The following SCHIP1 variants were observed in gnomAD, a reference collection of about 807,000 sequenced individuals.
SCHIP1 encodes the protein schwannomin interacting protein 1.
A neutral mutation model predicts 29.7 loss-of-function variants in SCHIP1; 8 were observed. The ratio of observed to expected loss-of-function variants is 0.27; its 90% CI spans 0.16 to 0.49. The LOEUF is 0.49. Ranked by LOEUF, SCHIP1 falls within the 20% of genes least tolerant of loss-of-function variation. The pLI, the probability that SCHIP1 is intolerant of heterozygous loss-of-function variation, is 0.99. For missense variants in SCHIP1, 193 were observed against 294.6 expected (o/e 0.66, Z 2.52); for synonymous variants, 76 against 94.9 (o/e 0.80, Z 1.16).
At chr3:159,703,885 C>T in the SCHIP1 span, among the ~76,000 whole-genome samples, 1 of 152,180 alleles carries the variant, frequency 6.6e-6, no homozygotes, top group South Asian at 2.1e-4. Flanking sequence ...TCTCATATTT[C>T]CTCACTTGGT....
At chr3:159,554,629 G>A in the SCHIP1 span, among the ~76,000 whole-genome samples, 1 of 152,138 alleles carries the variant, frequency 6.6e-6, no homozygotes, top group Non-Finnish European at 1.5e-5. Context: ...TCCCTCCGTG[G>A]CTCCAGCTTT....
At chr3:159,407,796 G>A in the SCHIP1 span, among the ~76,000 whole-genome samples, 2 of 152,134 alleles carry the variant, frequency 1.3e-5, no homozygotes, top group African/African-American at 4.8e-5. Flanking sequence ...GTTGGTCAAT[G>A]AAGAAATTAA....
the SCHIP1 span, among the ~76,000 whole-genome samples, chr3:159,635,175 C>A: frequency 3.3e-5 from 5 of 152,148 alleles, no homozygotes; most frequent in Non-Finnish European, 5.9e-5. Flanking sequence ...TGAACCTGTT[C>A]TCTTTGTATC....
chr3:159,813,835 G>A, the SCHIP1 span, among the ~76,000 whole-genome samples: 1 of 152,070 alleles, frequency 6.6e-6, no homozygotes, highest in African/African-American at 2.4e-5. Context: ...AGCTTTATAG[G>A]TACCAAGATA....
the SCHIP1 span, among the ~76,000 whole-genome samples, chr3:159,547,197 G>T: frequency 6.6e-6 from 1 of 152,086 alleles, no homozygotes; most frequent in Non-Finnish European, 1.5e-5. Flanking sequence ...TCATATGTTT[G>T]TTGACCGCAT....
the SCHIP1 span, among the ~76,000 whole-genome samples, chr3:159,805,680 T>C: frequency 6.6e-6 from 1 of 152,182 alleles, no homozygotes; most frequent in Non-Finnish European, 1.5e-5. Context: ...CTTGAACTCC[T>C]GCATGCTTAG....
At chr3:159,832,925 T>A in the SCHIP1 span, among the ~76,000 whole-genome samples, 1 of 152,200 alleles carries the variant, frequency 6.6e-6, no homozygotes, top group African/African-American at 2.4e-5. Context: ...ATTGTTATAA[T>A]TGTTCTATTT....
At chr3:159,820,104 C>G in the SCHIP1 span, among the ~76,000 whole-genome samples, 2 of 152,140 alleles carry the variant, frequency 1.3e-5, no homozygotes, top group Non-Finnish European at 2.9e-5. Context: ...GGTTACAAGG[C>G]TCACACACCT....
the SCHIP1 span, among the ~76,000 whole-genome samples, chr3:159,788,870 G>A: frequency 2.0e-5 from 3 of 151,978 alleles, no homozygotes; most frequent in Non-Finnish European, 2.9e-5. Flanking sequence ...ATAAAATTGA[G>A]CATCTGTAAT....
the SCHIP1 span, among the ~76,000 whole-genome samples, chr3:159,353,418 T>C: frequency 6.6e-6 from 1 of 152,138 alleles, no homozygotes; most frequent in African/African-American, 2.4e-5. Context: ...AAAGTTTTCA[T>C]TGAAAAAGTT....
chr3:159,456,848 A>G, the SCHIP1 span, among the ~76,000 whole-genome samples: 4 of 152,218 alleles, frequency 2.6e-5, no homozygotes, highest in African/African-American at 9.6e-5. Flanking sequence ...GTGTATCCTC[A>G]TAAAAATATG....
chr3:159,575,091 C>T, the SCHIP1 span, among the ~76,000 whole-genome samples: 1 of 152,216 alleles, frequency 6.6e-6, no homozygotes, highest in East Asian at 1.9e-4. Context: ...TGCTTTGGCT[C>T]GCCCTCCATG....
the SCHIP1 span, among the ~76,000 whole-genome samples, chr3:159,627,858 C>T: frequency 5.2e-4 from 79 of 152,308 alleles, 1 homozygote; most frequent in African/African-American, 1.9e-3. Context: ...TGTTTGCTGA[C>T]TCTTACGTGG....
chr3:159,486,345 G>A, the SCHIP1 span, among the ~76,000 whole-genome samples: 1 of 152,100 alleles, frequency 6.6e-6, no homozygotes. Context: ...CCTATTCCCG[G>A]CTTCTATGAA....
chr3:159,315,197 C>CTT, the SCHIP1 span, among the ~76,000 whole-genome samples: 23 of 91,048 alleles, frequency 2.5e-4, no homozygotes, highest in Admixed American at 1.3e-3. Context: ...TTTAGGACTT[C>CTT]TTTTTTTTTT....
intron 5 of SCHIP1, among the ~76,000 whole-genome samples, chr3:159,891,872 A>G (rs1406323133): frequency 6.6e-6 from 1 of 152,204 alleles, no homozygotes; most frequent in East Asian, 1.9e-4. Flanking sequence ...TTCCCACCTT[A>G]ATATGAAGGT....
At chr3:159,357,285 A>G in the SCHIP1 span, among the ~76,000 whole-genome samples, 1 of 152,210 alleles carries the variant, frequency 6.6e-6, no homozygotes, top group African/African-American at 2.4e-5. Flanking sequence ...GGATTTACAT[A>G]TATGCAAATA....
At chr3:159,406,760 T>G in the SCHIP1 span, among the ~76,000 whole-genome samples, 1 of 152,186 alleles carries the variant, frequency 6.6e-6, no homozygotes, top group Non-Finnish European at 1.5e-5. Context: ...AAAGTTAAAG[T>G]GTAAATTTTT....
the SCHIP1 span, among the ~76,000 whole-genome samples, chr3:159,644,933 G>T: frequency 3.3e-5 from 5 of 152,030 alleles, no homozygotes; most frequent in Admixed American, 6.6e-5. Context: ...AGGGAACAAA[G>T]GCTGGAATGA....
Sources: allele counts gnomAD v4.1 joint callset (sites outside exome capture counted in the v4.1 genomes callset), GRCh38; gene constraint gnomAD v4.1.1; transcripts MANE v1.5; gene names NCBI Gene and HGNC (gene_info 2026-07-23, HGNC 2026-07-21).